Variants in ANKRD36C observed in about 807,000 individuals in gnomAD.
ANKRD36C encodes the protein ankyrin repeat domain 36C.
A neutral mutation model predicts 276.4 loss-of-function variants in ANKRD36C; 61 were observed. The ratio of observed to expected loss-of-function variants is 0.22; its 90% CI spans 0.18 to 0.27. The LOEUF (loss-of-function observed/expected upper bound fraction) is 0.27, where lower values mean the gene tolerates loss of function less well. ANKRD36C is among the 10% of genes least tolerant of loss of function. The pLI, the probability that ANKRD36C is intolerant of heterozygous loss-of-function variation, is 1.00. For missense variants in ANKRD36C, 1,447 were observed against 2,032.3 expected (o/e 0.71, Z 5.54); for synonymous variants, 483 against 680.1 (o/e 0.71, Z 4.51).
In ANKRD36C at chr2:95,893,873, A is replaced by G. The variant is rs1469967499; in HGVS notation, c.2756-2013T>C. 5.1e-6 allele frequency: 7 copies of G among 1,377,600 alleles called. No individual in the cohort carries two copies. The African/African-American group carries it at 5.9e-5, about 12-fold the overall frequency. The allele number at this position is 1,377,600 out of a possible 1,614,324, so 85.3% of individuals were successfully genotyped here. A position where few individuals can be genotyped will look rare whatever the true frequency, so the allele number is the denominator to read the frequency against. ...CTACTTTGTGTCTGGGGACTAGAAC[A>G]TGACAGAAATACACTGAGAAAAGGG... On this transcript the variant is annotated intron_variant, in intron 44 of 66. Transcript: ENST00000456556.
chr2:95,850,786 G>A (rs1675275879), downstream of ANKRD36C, among the ~76,000 whole-genome samples: 1 of 152,176 alleles, frequency 6.6e-6, no homozygotes, highest in African/African-American at 2.4e-5. Context: ...TTATTATCAC[G>A]AGTGTGGGGT....
intron 13 of ANKRD36C, among the ~76,000 whole-genome samples, chr2:95,956,398 T>C (rs1375635214): frequency 6.6e-6 from 1 of 152,238 alleles, no homozygotes; most frequent in African/African-American, 2.4e-5. Flanking sequence ...AGAGTTAATA[T>C]ATAACAAAAT....
At chr2:95,874,099 C>T (rs1229468996) in intron 59 of ANKRD36C, among the ~76,000 whole-genome samples, 1 of 152,042 alleles carries the variant, frequency 6.6e-6, no homozygotes, top group Non-Finnish European at 1.5e-5. Context: ...AATGGCCATA[C>T]TGCCCAAGGT....
At chr2:95,980,956 G>A (rs943338908) in intron 4 of ANKRD36C, among the ~76,000 whole-genome samples, 171 bp from the exon 5 acceptor site, 1 of 152,040 alleles carries the variant, frequency 6.6e-6, no homozygotes, top group African/African-American at 2.4e-5. Context: ...TACCACAAAG[G>A]TTAAAAGCAA....
chr2:95,872,761 G>A (rs1165552544), intron 59 of ANKRD36C, among the ~76,000 whole-genome samples: 8 of 149,296 alleles, frequency 5.4e-5, no homozygotes, highest in Non-Finnish European at 1.2e-4. Context: ...AAAATTGATA[G>A]ACAGCTAGCA....
At chr2:95,913,195 C>T (rs1676987488) in intron 40 of ANKRD36C, among the ~76,000 whole-genome samples, 1 of 149,280 alleles carries the variant, frequency 6.7e-6, no homozygotes, top group Non-Finnish European at 1.5e-5. Flanking sequence ...AGATATTAAT[C>T]AGTTTTTCAT....
At chr2:95,937,821 C>T (rs1010562214) in intron 22 of ANKRD36C, among the ~76,000 whole-genome samples, 1 of 152,308 alleles carries the variant, frequency 6.6e-6, no homozygotes, top group African/African-American at 2.4e-5. Flanking sequence ...ATCTGAAATA[C>T]TTCTATTTAA....
At chr2:95,916,346 A>G (rs1677096412) in intron 36 of ANKRD36C, among the ~76,000 whole-genome samples, 175 bp from the exon 39 acceptor site, 1 of 151,698 alleles carries the variant, frequency 6.6e-6, no homozygotes, top group South Asian at 2.1e-4. Context: ...GAAAAAAGGG[A>G]ACACAGGCTC....
At chr2:95,924,622 G>A (rs555410967) in intron 30 of ANKRD36C, among the ~76,000 whole-genome samples, 329 of 151,710 alleles carry the variant, frequency 2.2e-3, no homozygotes, top group Non-Finnish European at 4.0e-3. Context: ...AGCTAATATA[G>A]TCGTATTAAA....
rs1300099072 is a variant in ANKRD36C at position 95,953,706 on chromosome 2, C to A, written c.1203+233G>T. On this transcript the variant is annotated intron_variant, in intron 14 of 66. Coordinates refer to ENST00000456556, the Ensembl canonical transcript of ANKRD36C. ...TTTTCTGTCACTGTGTATTTCCCAG[C>A]AATTTTTTTTTCAGATCACACCTCT... Among the ~76,000 whole-genome samples the A allele has an allele frequency of 7.2e-5, 11 of 152,094 alleles. No homozygotes were observed. The South Asian group carries it at 2.1e-3, about 29-fold the overall frequency.
At chr2:95,959,593 C>T (rs1336427578) in intron 10 of ANKRD36C, among the ~76,000 whole-genome samples, 1 of 152,010 alleles carries the variant, frequency 6.6e-6, no homozygotes, top group Non-Finnish European at 1.5e-5. Context: ...TGAAAATAAC[C>T]ACTTTAGGAG....
Position 95,891,761 on chromosome 2 carries a change from A to C in ANKRD36C, c.2785-24T>G, listed in dbSNP as rs551110238. 10 of 1,564,800 alleles carry C rather than the reference A, an allele frequency of 6.4e-6. 1 individual carries two copies. The highest frequency in any genetic ancestry group is 8.7e-6 in the Non-Finnish European group (10 of 1,153,818). On this transcript the variant is annotated intron_variant, in intron 45 of 66. Transcript: ENST00000456556. Reference sequence around the variant, plus strand: ...GCCTGAATGGAATTTGAAATGAAATAATAAATTAATAAAGTATGTTTCATA... The same window carrying C: ...GCCTGAATGGAATTTGAAATGAAATCATAAATTAATAAAGTATGTTTCATA...
rs1015099900 is a variant in ANKRD36C, at chr2:95,920,627, C to A, written c.2245+980G>T. On this transcript the variant is annotated intron_variant, in intron 34 of 66. Transcript: ENST00000456556. ...CCTCAATAAAAATATCATCAACTAT[C>A]AATTTTGACATACTTCTACAAAGTA... Among the ~76,000 whole-genome samples, 6 of 132,676 alleles carry A rather than the reference C, an allele frequency of 4.5e-5. 1 individual carries two copies. Among genetic ancestry groups the A allele is most frequent in the African/African-American group, 1.6e-4 (6 of 38,086 alleles). 87.0% of individuals were successfully genotyped at this position (132,676 alleles called of 152,430 possible). A position where few individuals can be genotyped will look rare whatever the true frequency, so the allele number is the denominator to read the frequency against.
At chr2:95,878,370 T>C (rs1676002031) in intron 58 of ANKRD36C, among the ~76,000 whole-genome samples, 4 of 152,206 alleles carry the variant, frequency 2.6e-5, no homozygotes, top group Admixed American at 1.3e-4. Flanking sequence ...AAAATTAGTT[T>C]GATTTGATAT....
In ANKRD36C at chr2:95,902,872, CT is replaced by C; in HGVS notation, c.2654-3537del. ...CTGGACTGAACATGACATTAAATCT[CT>C]TTTCAAAATTACCTCTCCTAGTTTT... On this transcript the variant is annotated intron_variant, in intron 42 of 66. Transcript: ENST00000456556. 2 of 1,560,610 alleles carry C rather than the reference CT, an allele frequency of 1.3e-6. No homozygotes were observed. Among genetic ancestry groups the C allele is most frequent in the South Asian group, 2.3e-5 (2 of 86,528 alleles).
chr2:95,927,323 A>G (rs1272073940), intron 27 of ANKRD36C, 37 bp from the exon 28 acceptor site: 18 of 1,608,372 alleles, frequency 1.1e-5, no homozygotes, highest in Admixed American at 1.7e-5. Flanking sequence ...CAATACGTAA[A>G]GTAGGTTTCA....
At chr2:95,866,864 G>C (rs1251228202) in intron 60 of ANKRD36C, among the ~76,000 whole-genome samples, 1 of 152,130 alleles carries the variant, frequency 6.6e-6, no homozygotes, top group Non-Finnish European at 1.5e-5. Context: ...TGTGTGCACT[G>C]TATCGCATAT....
At chr2:95,873,478 T>C (rs1370655765) in intron 59 of ANKRD36C, among the ~76,000 whole-genome samples, 1 of 152,208 alleles carries the variant, frequency 6.6e-6, no homozygotes, top group East Asian at 1.9e-4. Context: ...CCCTTCATGC[T>C]AAAAACTCTC....
chr2:95,893,272 C>A (rs557636280), intron 44 of ANKRD36C, among the ~76,000 whole-genome samples: 1 of 151,094 alleles, frequency 6.6e-6, no homozygotes, highest in African/African-American at 2.4e-5. Context: ...TATGCTGTTC[C>A]CCAGAGCCCC....
Sources: allele counts gnomAD v4.1 joint callset (sites outside exome capture counted in the v4.1 genomes callset), GRCh38; gene constraint gnomAD v4.1.1; transcripts MANE v1.5; gene names NCBI Gene and HGNC (gene_info 2026-07-23, HGNC 2026-07-21).